The following ZRANB3 variants were observed in gnomAD, a reference collection of about 807,000 sequenced individuals.
The protein encoded by ZRANB3 is zinc finger RANBP2-type containing 3.
A neutral mutation model predicts 133.8 loss-of-function variants in ZRANB3; 125 were observed. That is an observed-to-expected ratio of 0.93 (90% CI 0.81 to 1.08). The LOEUF is 1.08. ZRANB3 is among the 50% of genes least tolerant of loss of function. ZRANB3 has a pLI of 0.00. For synonymous variants in ZRANB3, 387 were observed against 432.7 expected (o/e 0.89, Z 1.31); for missense variants, 1,229 against 1,275.5 (o/e 0.96, Z 0.56).
At chr2:135,243,843 C>A (rs1163648189) in intron 12 of ZRANB3, among the ~76,000 whole-genome samples, 1 of 151,970 alleles carries the variant, frequency 6.6e-6, no homozygotes, top group East Asian at 1.9e-4. Context: ...TGGTCTTGAA[C>A]TCCTGGGCTC....
At chr2:135,307,376 T>G (rs1167438610) in intron 8 of ZRANB3, among the ~76,000 whole-genome samples, 1 of 152,240 alleles carries the variant, frequency 6.6e-6, no homozygotes, top group South Asian at 2.1e-4. Context: ...AGATTTTTTA[T>G]GATTACATTT....
At chr2:135,387,696 A>AGAAGTAAT (rs1687042045) in intron 3 of ZRANB3, among the ~76,000 whole-genome samples, 1 of 152,222 alleles carries the variant, frequency 6.6e-6, no homozygotes, top group Admixed American at 6.5e-5. Context: ...GTGAAAAGAG[A>AGAAGTAAT]GAAGTAATTA....
chr2:135,309,885 A>G (rs1355637825), intron 8 of ZRANB3, among the ~76,000 whole-genome samples: 1 of 152,246 alleles, frequency 6.6e-6, no homozygotes, highest in East Asian at 1.9e-4. Context: ...AAGACAAAGC[A>G]ATATTGAAAA....
At chr2:135,326,574 T>C (rs1027012530) in intron 6 of ZRANB3, among the ~76,000 whole-genome samples, 2 of 152,110 alleles carry the variant, frequency 1.3e-5, no homozygotes, top group African/African-American at 4.8e-5. Context: ...TATTAACCCA[T>C]GACTTAGGTA....
At chr2:135,529,765 T>C (rs1246044004) in intron 1 of ZRANB3, among the ~76,000 whole-genome samples, 1 of 151,444 alleles carries the variant, frequency 6.6e-6, no homozygotes, top group East Asian at 2.0e-4. Context: ...TCCTCCCGCC[T>C]CGGCCTCCCA....
chr2:135,302,010 C>A (rs1314245707), intron 8 of ZRANB3, among the ~76,000 whole-genome samples: 3 of 152,114 alleles, frequency 2.0e-5, no homozygotes, highest in African/African-American at 7.2e-5. Context: ...ATATAATAAT[C>A]AAATTATAAT....
intron 3 of ZRANB3, among the ~76,000 whole-genome samples, chr2:135,375,113 T>C (rs1488548561): frequency 6.6e-6 from 1 of 152,188 alleles, no homozygotes; most frequent in African/African-American, 2.4e-5. Context: ...GAAAATGGTA[T>C]AGCTAATACA....
chr2:135,525,887 GCA>G (rs1385152698), intron 1 of ZRANB3, among the ~76,000 whole-genome samples: 1 of 149,738 alleles, frequency 6.7e-6, no homozygotes, highest in Non-Finnish European at 1.5e-5. Flanking sequence ...ATCATGCTCT[GCA>G]CAGATGAACC....
chr2:135,480,047 G>A (rs540831431), intron 2 of ZRANB3, among the ~76,000 whole-genome samples: 2 of 151,386 alleles, frequency 1.3e-5, no homozygotes, highest in South Asian at 4.2e-4. Context: ...CATTCTCCTG[G>A]CTCAGCCTCC....
In ZRANB3 at chr2:135,504,323, C is replaced by A. The variant is rs368738684; in HGVS notation, c.161+6G>T. On this transcript the variant is annotated splice_donor_region_variant and intron_variant, in intron 2 of 20. Coordinates refer to ENST00000264159, the MANE Select transcript of ZRANB3 (RefSeq NM_032143.4). ...ACATTTTTAGCATGTCTTCAAAGAACTTTACCTGCCATTTCTTTTGAGGGC... is the reference window on the plus strand; with the variant it reads ...ACATTTTTAGCATGTCTTCAAAGAAATTTACCTGCCATTTCTTTTGAGGGC... 4 of 1,613,034 alleles carry A rather than the reference C, an allele frequency of 2.5e-6. No homozygotes were observed. In the African/African-American group the frequency reaches 5.3e-5, roughly 22 times the overall value.
At chr2:135,308,161 T>A (rs1291826227) in intron 8 of ZRANB3, among the ~76,000 whole-genome samples, 1 of 152,104 alleles carries the variant, frequency 6.6e-6, no homozygotes, top group Non-Finnish European at 1.5e-5. Context: ...CAAAACTATG[T>A]CTTGTAACTG....
chr2:135,404,758 C>A (rs1429186815), intron 2 of ZRANB3, among the ~76,000 whole-genome samples: 6 of 152,290 alleles, frequency 3.9e-5, no homozygotes, highest in Admixed American at 2.6e-4. Flanking sequence ...GATCTCTCGG[C>A]AGAAACTCTA....
chr2:135,325,744 T>C (rs1683783156), intron 6 of ZRANB3, among the ~76,000 whole-genome samples: 1 of 152,148 alleles, frequency 6.6e-6, no homozygotes, highest in African/African-American at 2.4e-5. Context: ...AATATCACCA[T>C]TCTGCAATGT....
At chr2:135,530,119 C>A (rs1574270560) in intron 1 of ZRANB3, among the ~76,000 whole-genome samples, 1 of 151,198 alleles carries the variant, frequency 6.6e-6, no homozygotes, top group Admixed American at 6.6e-5. Context: ...CCCAGCTACT[C>A]CGGAGGCTGA....
intron 19 of ZRANB3, among the ~76,000 whole-genome samples, chr2:135,204,300 T>C (rs1693759160): frequency 6.6e-6 from 1 of 152,116 alleles, no homozygotes; most frequent in Admixed American, 6.5e-5. Context: ...CAAATGGCGG[T>C]CTTGTGCATC....
intron 1 of ZRANB3, among the ~76,000 whole-genome samples, chr2:135,528,501 G>C (rs1351115495): frequency 7.2e-5 from 11 of 152,086 alleles, no homozygotes. Context: ...ATATAAAAAT[G>C]TCAAGAAGAC....
intron 2 of ZRANB3, among the ~76,000 whole-genome samples, chr2:135,424,003 G>A (rs1328702126): frequency 6.6e-6 from 1 of 152,054 alleles, no homozygotes; most frequent in Admixed American, 6.6e-5. Flanking sequence ...CGACAGAGAT[G>A]GATCACTAGA....
intron 3 of ZRANB3, among the ~76,000 whole-genome samples, chr2:135,358,327 A>G (rs1685524954): frequency 6.6e-6 from 1 of 152,204 alleles, no homozygotes; most frequent in African/African-American, 2.4e-5. Flanking sequence ...CTACATGCAC[A>G]GTGCATAGTT....
In ZRANB3 at chr2:135,350,085, A is replaced by T; in HGVS notation, c.490T>A (p.Ser164Thr). 2 of 1,613,770 alleles carry T rather than the reference A, an allele frequency of 1.2e-6. No homozygotes were observed. Among genetic ancestry groups the T allele is most frequent in the Non-Finnish European group, 1.7e-6 (2 of 1,179,852 alleles). ...ATCCTGCTGCGAGTTGCATTTCTGG[A>T]TTTCATGTAGTGTGATTCATCCACT... ...VIVDESHYMK[S>T]RNATRSRILL... Residue 164 changes from serine to threonine, a missense_variant, in exon 5 of 21, where the codon TCC (serine) becomes ACC (threonine). By Grantham distance (58) the Ser-to-Thr change is moderately conservative. Transcript: ENST00000264159.
Sources: allele counts gnomAD v4.1 joint callset (sites outside exome capture counted in the v4.1 genomes callset), GRCh38; gene constraint gnomAD v4.1.1; transcripts MANE v1.5; gene names NCBI Gene and HGNC (gene_info 2026-07-23, HGNC 2026-07-21).